WWOX: variants seen among roughly 807,000 people sequenced by gnomAD.
The protein encoded by WWOX is WW domain-containing oxidoreductase.
Under a neutral mutation model 46.2 loss-of-function variants are expected in WWOX, and 69 were observed. The observed-to-expected ratio is 1.49, with a 90% CI of 1.23 to 1.82. WWOX has a LOEUF of 1.82. WWOX is among the 40% of genes most tolerant of loss of function. WWOX has a pLI of 0.00. For missense variants in WWOX, 919 were observed against 542.6 expected, an observed-to-expected ratio of 1.69 and a Z score of -6.89; for synonymous variants, 359 against 202.6, an observed-to-expected ratio of 1.77 and a Z score of -6.56.
intron 5 of WWOX, among the ~76,000 whole-genome samples, chr16:78,377,979 G>T (rs917470252): frequency 6.6e-6 from 1 of 151,888 alleles, no homozygotes; most frequent in African/African-American, 2.4e-5. Context: ...AGGGATGTTT[G>T]TGTATTTTGG....
intron 8 of WWOX, among the ~76,000 whole-genome samples, chr16:78,963,736 C>A (rs535765732): frequency 6.6e-6 from 1 of 152,118 alleles, no homozygotes. Context: ...TTGTTTTTTC[C>A]ATTTTAAGAT....
At chr16:78,773,376 C>G (rs1302657331) in intron 8 of WWOX, among the ~76,000 whole-genome samples, 1 of 152,168 alleles carries the variant, frequency 6.6e-6, no homozygotes, top group African/African-American at 2.4e-5. Context: ...TTGGAATGGA[C>G]CATCCTCTGG....
At chr16:78,941,186 C>T (rs555636252) in intron 8 of WWOX, among the ~76,000 whole-genome samples, 2 of 152,214 alleles carry the variant, frequency 1.3e-5, no homozygotes, top group African/African-American at 2.4e-5. Context: ...GGAAATATCC[C>T]AGTTGCAAAG....
intron 8 of WWOX, among the ~76,000 whole-genome samples, chr16:78,869,189 T>C (rs142512408): frequency 5.4e-4 from 83 of 152,326 alleles, no homozygotes; most frequent in African/African-American, 1.9e-3. Flanking sequence ...GACTTATTCA[T>C]GTTCTGTGGA....
chr16:78,371,845 C>G (rs1021449472), intron 5 of WWOX, among the ~76,000 whole-genome samples: 1 of 151,960 alleles, frequency 6.6e-6, no homozygotes, highest in Non-Finnish European at 1.5e-5. Flanking sequence ...CTCTTTTAAT[C>G]ATGTGTGTTA....
At chr16:78,837,734 G>C (rs1391676203) in intron 8 of WWOX, among the ~76,000 whole-genome samples, 1 of 152,072 alleles carries the variant, frequency 6.6e-6, no homozygotes, top group Non-Finnish European at 1.5e-5. Context: ...TTATTATTTT[G>C]ACTTGGTAAT....
At chr16:79,136,281 A>G (rs976419999) in intron 8 of WWOX, among the ~76,000 whole-genome samples, 1 of 149,818 alleles carries the variant, frequency 6.7e-6, no homozygotes, top group Non-Finnish European at 1.5e-5. Flanking sequence ...GCCAGGCTGG[A>G]GTGCAGTGGT....
At chr16:78,827,969 C>T (rs1286006110) in intron 8 of WWOX, among the ~76,000 whole-genome samples, 1 of 152,156 alleles carries the variant, frequency 6.6e-6, no homozygotes, top group Non-Finnish European at 1.5e-5. Context: ...TGACTGGGGA[C>T]AGAGTTGCTG....
chr16:78,730,366 C>T (rs748828592), intron 8 of WWOX, among the ~76,000 whole-genome samples: 11 of 151,990 alleles, frequency 7.2e-5, no homozygotes, highest in Non-Finnish European at 5.9e-5. Context: ...TCATATAAGC[C>T]ACGTGCTGGG....
chr16:79,154,574 A>G (rs1230408898), intron 8 of WWOX, among the ~76,000 whole-genome samples: 1 of 151,900 alleles, frequency 6.6e-6, no homozygotes, highest in East Asian at 1.9e-4. Context: ...TGATGGGGAT[A>G]TTCGATGGCA....
At chr16:78,985,524 G>A (rs772635743) in intron 8 of WWOX, among the ~76,000 whole-genome samples, 1 of 152,126 alleles carries the variant, frequency 6.6e-6, no homozygotes, top group Non-Finnish European at 1.5e-5. Flanking sequence ...ATCCCAGAAC[G>A]TTGGGAGGCC....
At chr16:78,374,983 T>A (rs1015481319) in intron 5 of WWOX, among the ~76,000 whole-genome samples, 4 of 152,068 alleles carry the variant, frequency 2.6e-5, no homozygotes, top group Non-Finnish European at 5.9e-5. Flanking sequence ...ACTGCGCCTG[T>A]CTACATTTTC....
At chr16:79,157,235 T>A (rs375009771) in intron 8 of WWOX, among the ~76,000 whole-genome samples, 7 of 152,280 alleles carry the variant, frequency 4.6e-5, no homozygotes, top group African/African-American at 1.7e-4. Flanking sequence ...AACAAGAGCA[T>A]TCAAGAGTCT....
chr16:79,023,063 C>T (rs372181017), intron 8 of WWOX, among the ~76,000 whole-genome samples: 8 of 151,828 alleles, frequency 5.3e-5, no homozygotes, highest in African/African-American at 1.9e-4. Context: ...AAAAATAATA[C>T]CTACAATAAC....
intron 8 of WWOX, among the ~76,000 whole-genome samples, chr16:78,558,501 G>T (rs999117803): frequency 6.6e-6 from 1 of 152,238 alleles, no homozygotes; most frequent in Non-Finnish European, 1.5e-5. Flanking sequence ...AGCAGCGGCT[G>T]CCCCTCTTTA....
chr16:78,366,391 T>G (rs1014811514), intron 5 of WWOX, among the ~76,000 whole-genome samples: 3 of 152,222 alleles, frequency 2.0e-5, no homozygotes, highest in African/African-American at 7.2e-5. Flanking sequence ...GTTTTTTTAT[T>G]GTATATTTCA....
chr16:78,959,448 G>C (rs1281653199), intron 8 of WWOX, among the ~76,000 whole-genome samples: 1 of 152,178 alleles, frequency 6.6e-6, no homozygotes, highest in Non-Finnish European at 1.5e-5. Flanking sequence ...AGCTAATTCA[G>C]GTATGATAAT....
rs999786665 is a variant in WWOX, at chr16:79,211,942, T to G, written c.*146T>G. The stretch of plus-strand genomic sequence containing the variant: ...AGAGCAGTCACAACAGAGTGAAAAA[T>G]CTTAAGTACCAATGGGAAGCAGGGA... On this transcript the variant is annotated 3_prime_UTR_variant, in exon 9 of 9. Transcript: ENST00000566780. The G allele has an allele frequency of 1.3e-6, 2 of 1,537,092 alleles. No individual in the cohort carries two copies. Among genetic ancestry groups the G allele is most frequent in the African/African-American group, 1.4e-5 (1 of 72,948 alleles).
chr16:79,023,485 G>C (rs1001890945), intron 8 of WWOX, among the ~76,000 whole-genome samples: 2 of 152,170 alleles, frequency 1.3e-5, no homozygotes, highest in East Asian at 1.9e-4. Flanking sequence ...GTTACATCCA[G>C]GCTGATTACT....
Sources: allele counts gnomAD v4.1 joint callset (sites outside exome capture counted in the v4.1 genomes callset), GRCh38; gene constraint gnomAD v4.1.1; transcripts MANE v1.5; gene names NCBI Gene and HGNC (gene_info 2026-07-23, HGNC 2026-07-21).